The following KSR2 variants were observed in gnomAD, a reference collection of about 807,000 sequenced individuals.
The protein encoded by KSR2 is kinase suppressor of ras 2.
A neutral mutation model predicts 107.8 loss-of-function variants in KSR2; 25 were observed. That is an observed-to-expected ratio of 0.23 (90% CI 0.17 to 0.32). The LOEUF is 0.32. Ranked by LOEUF, KSR2 falls within the 10% of genes least tolerant of loss-of-function variation. The pLI is 1.00. For missense variants in KSR2, 887 were observed against 1,268.9 expected (o/e 0.70, Z 4.57); for synonymous variants, 480 against 507.0 (o/e 0.95, Z 0.71).
chr12:117,895,634 G>A (rs979604623), intron 1 of KSR2, among the ~76,000 whole-genome samples: 2 of 152,058 alleles, frequency 1.3e-5, no homozygotes, highest in Non-Finnish European at 2.9e-5. Flanking sequence ...CATCACTGGG[G>A]GAATATAATA....
chr12:117,563,338 C>T (rs943515793), intron 7 of KSR2, among the ~76,000 whole-genome samples: 6 of 152,130 alleles, frequency 3.9e-5, no homozygotes, highest in African/African-American at 9.7e-5. Context: ...CTGAATCTTT[C>T]GGAATACAAT....
At chr12:117,671,002 C>T (rs1262010510) in intron 4 of KSR2, among the ~76,000 whole-genome samples, 2 of 152,204 alleles carry the variant, frequency 1.3e-5, no homozygotes, top group Admixed American at 1.3e-4. Flanking sequence ...TTTTCCATCA[C>T]ATGCTGGAAA....
chr12:117,476,393 C>T (rs1189229646), intron 17 of KSR2, 71 bp downstream of exon 17: 8 of 1,476,466 alleles, frequency 5.4e-6, no homozygotes, highest in Non-Finnish European at 7.2e-6. Flanking sequence ...CTTCCAAAAG[C>T]ACTGAAAGAC....
At chr12:117,589,445 C>G (rs1166208194) in intron 5 of KSR2, among the ~76,000 whole-genome samples, 1 of 152,172 alleles carries the variant, frequency 6.6e-6, no homozygotes, top group Non-Finnish European at 1.5e-5. Flanking sequence ...AGAGCTCATC[C>G]TCAGAAATAC....
intron 1 of KSR2, among the ~76,000 whole-genome samples, chr12:117,924,173 C>T (rs533231921): frequency 6.6e-6 from 1 of 151,488 alleles, no homozygotes; most frequent in East Asian, 2.0e-4. Flanking sequence ...CCACTGCGCC[C>T]GGCCTATATT....
At chr12:117,877,349 T>C (rs562075036) in intron 1 of KSR2, among the ~76,000 whole-genome samples, 1 of 152,210 alleles carries the variant, frequency 6.6e-6, no homozygotes, top group South Asian at 2.1e-4. Context: ...AAAAAAACTT[T>C]CCGATTATGG....
chr12:117,634,821 A>G (rs1297611266), intron 5 of KSR2, among the ~76,000 whole-genome samples: 1 of 152,180 alleles, frequency 6.6e-6, no homozygotes, highest in Non-Finnish European at 1.5e-5. Context: ...AATCATATTC[A>G]TCTTCCTGGG....
chr12:117,581,109 G>A (rs1412821412), intron 6 of KSR2, among the ~76,000 whole-genome samples: 2 of 152,142 alleles, frequency 1.3e-5, no homozygotes, highest in Non-Finnish European at 2.9e-5. Context: ...TTCCTCCAAC[G>A]TTTTCTCATT....
At chr12:117,834,313 CCTT>C (rs1162882228) in intron 3 of KSR2, among the ~76,000 whole-genome samples, 3 of 151,850 alleles carry the variant, frequency 2.0e-5, no homozygotes, top group African/African-American at 4.8e-5. Context: ...ACAACTCTGT[CCTT>C]CTTTCCAAAA....
intron 3 of KSR2, among the ~76,000 whole-genome samples, chr12:117,780,367 A>T (rs1426442278): frequency 6.6e-6 from 1 of 152,244 alleles, no homozygotes; most frequent in Non-Finnish European, 1.5e-5. Flanking sequence ...ATAGCAGATT[A>T]TTATTCAACC....
chr12:117,886,682 A>G (rs1001826660), intron 1 of KSR2, among the ~76,000 whole-genome samples: 1 of 152,210 alleles, frequency 6.6e-6, no homozygotes, highest in Non-Finnish European at 1.5e-5. Flanking sequence ...GACAGTATAC[A>G]TATAATTATA....
In KSR2 at chr12:117,740,675, A is replaced by G. The variant is rs530147120; in HGVS notation, c.986+20336T>C. ...ATATGTAATATATAATATATATAAT[A>G]TATATACACACACATATACACCACA... On this transcript the variant is annotated intron_variant, in intron 4 of 19. Transcript: ENST00000339824. 2.9e-3 allele frequency among the ~76,000 whole-genome samples: 398 copies of G among 138,072 alleles called. 3 individuals are homozygous for G. Among genetic ancestry groups the G allele is most frequent in the Non-Finnish European group, 3.3e-3 (214 of 63,894 alleles). The allele number at this position is 138,072 out of a possible 152,430, so 90.6% of individuals were successfully genotyped here. A position where few individuals can be genotyped will look rare whatever the true frequency, so the allele number is the denominator to read the frequency against.
chr12:117,538,208 C>T (rs1235028205), intron 10 of KSR2, among the ~76,000 whole-genome samples: 2 of 152,076 alleles, frequency 1.3e-5, no homozygotes. Flanking sequence ...GAATCGGTGG[C>T]ATTTACTAAG....
Position 117,737,416 on chromosome 12 carries a change from G to C in KSR2, c.986+23595C>G, listed in dbSNP as rs555699088. Among the ~76,000 whole-genome samples, 6 of 152,198 alleles carry C rather than the reference G, an allele frequency of 3.9e-5. No individual in the cohort carries two copies. The South Asian group carries it at 1.0e-3, about 26-fold the overall frequency. On this transcript the variant is annotated intron_variant, in intron 4 of 19. Coordinates refer to ENST00000339824, the MANE Select transcript of KSR2 (RefSeq NM_173598.6). Reference sequence around the variant, plus strand: ...TTAAGGTGGTACCTTCCAAACTTCAGTCATTCTGTAAACCATCTTCTCATG... The same window carrying C: ...TTAAGGTGGTACCTTCCAAACTTCACTCATTCTGTAAACCATCTTCTCATG...
chr12:117,479,444 C>T (rs965319053), intron 16 of KSR2, among the ~76,000 whole-genome samples: 5 of 152,178 alleles, frequency 3.3e-5, no homozygotes, highest in Non-Finnish European at 1.5e-5. Context: ...ACATTTGGGT[C>T]TGGGCAGTTC....
At position 117,860,318 on chromosome 12, in the gene KSR2, G is replaced by A. The variant is rs55997942; in HGVS notation, c.294C>T (p.Ile98=). 217 of 1,613,626 alleles carry A rather than the reference G, an allele frequency of 1.3e-4. 3 individuals are homozygous for A. The East Asian group carries it at 2.7e-3, about 20-fold the overall frequency. ...GFPQLRHWFR[I]VDVRKEVLEE... ...CCAGGACCTCCTTGCGCACATCGACGATTCGGAACCAGTGCCGTAGCTGGG... is the reference window on the plus strand; with the variant it reads ...CCAGGACCTCCTTGCGCACATCGACAATTCGGAACCAGTGCCGTAGCTGGG... The change falls in exon 2 of 20, where the codon ATC becomes ATT. Residue 98 remains isoleucine (I), a synonymous_variant. Transcript: ENST00000339824.
rs186577173 is a variant in KSR2, at chr12:117,688,205, C to T, written c.987-20547G>A. ...TACCAGCCTGGCCAACATGGTAAAA[C>T]CCCGTCTCTACGAAAAATACAAAAA... On this transcript the variant is annotated intron_variant, in intron 4 of 19. Transcript: ENST00000339824. Among the ~76,000 whole-genome samples the T allele has an allele frequency of 8.7e-4, 132 of 152,258 alleles. 2 individuals are homozygous for T. The East Asian group carries it at 0.019, about 22-fold the overall frequency.
intron 1 of KSR2, among the ~76,000 whole-genome samples, chr12:117,880,631 G>A (rs898703198): frequency 1.3e-4 from 19 of 151,570 alleles, no homozygotes; most frequent in African/African-American, 4.4e-4. Context: ...GGCCAAGGAC[G>A]ACCCAGAAAA....
intron 3 of KSR2, among the ~76,000 whole-genome samples, chr12:117,812,934 A>G (rs1891248820): frequency 6.6e-6 from 1 of 152,008 alleles, no homozygotes; most frequent in African/African-American, 2.4e-5. Flanking sequence ...ATCCAAAACT[A>G]CAATAACCTA....
Sources: gnomAD v4.1 joint callset for allele counts (sites outside exome capture counted in the v4.1 genomes callset) on GRCh38, gnomAD v4.1.1 for gene constraint, MANE v1.5 for transcripts, NCBI Gene and HGNC (gene_info 2026-07-23, HGNC 2026-07-21) for gene names.